The following TXLNB variants were observed in gnomAD, a reference collection of about 807,000 sequenced individuals.
TXLNB encodes the protein taxilin beta.
A neutral mutation model predicts 57.4 loss-of-function variants in TXLNB; 37 were observed. The ratio of observed to expected loss-of-function variants is 0.64; its 90% confidence interval spans 0.50 to 0.85. TXLNB has a LOEUF of 0.85. Among genes scored for constraint, TXLNB ranks in the 40% least tolerant of loss-of-function variants. The pLI, the probability that TXLNB is intolerant of heterozygous loss-of-function variation, is 0.00. For missense variants in TXLNB, 848 were observed against 825.6 expected, an observed-to-expected ratio of 1.03 and a Z score of -0.33; for synonymous variants, 302 against 309.6, an observed-to-expected ratio of 0.98 and a Z score of 0.26.
Position 139,260,943 on chromosome 6 carries a change from C to G in TXLNB, c.883-506G>C, listed in dbSNP as rs546106847. 2.6e-5 allele frequency among the ~76,000 whole-genome samples: 4 copies of G among 152,238 alleles called. No individual in the cohort carries two copies. The South Asian group carries it at 8.3e-4, about 32-fold the overall frequency. The stretch of plus-strand genomic sequence containing the variant: ...AGCCTTGGGGTGCCAGCATGTGGTC[C>G]GAGGTCTGGGAGTGAGGCCTGAGCC... On this transcript the variant is annotated intron_variant, in intron 5 of 9. Transcript: ENST00000358430.
At chr6:139,195,740 G>A in the TXLNB span, among the ~76,000 whole-genome samples, 2 of 152,166 alleles carry the variant, frequency 1.3e-5, no homozygotes, top group African/African-American at 4.8e-5. Flanking sequence ...TAGTTGCATG[G>A]TTAAGTTGAG....
rs746586873 is a variant in TXLNB at position 139,255,431 on chromosome 6, GTTCTTCAT to G, written c.1077+125_1077+132del. The G allele has an allele frequency of 1.5e-5, 11 of 724,748 alleles. No individual in the cohort carries two copies. In the South Asian group the frequency reaches 1.6e-4, roughly 11 times the overall value. The allele number at this position is 724,748 out of a possible 1,614,324, so 44.9% of individuals were successfully genotyped here. A position where few individuals can be genotyped will look rare whatever the true frequency, so the allele number is the denominator to read the frequency against. ...TGAAAATATGAATAAATGTGAAGTT[GTTCTTCAT>G]TTCCAATTCCCATCCCCCCATCCCC... On this transcript the variant is annotated intron_variant, in intron 7 of 9. Coordinates refer to ENST00000358430, the MANE Select transcript of TXLNB (RefSeq NM_153235.4).
intron 6 of TXLNB, among the ~76,000 whole-genome samples, chr6:139,258,761 C>A (rs1776407601): frequency 1.3e-5 from 2 of 152,164 alleles, no homozygotes; most frequent in South Asian, 4.1e-4. Context: ...TCAACTCATA[C>A]CTCTGAAACA....
the TXLNB span, among the ~76,000 whole-genome samples, chr6:139,315,101 C>G: frequency 1.3e-5 from 2 of 152,148 alleles, no homozygotes; most frequent in African/African-American, 4.8e-5. Flanking sequence ...GATCAGCCGG[C>G]ACCACCTGGA....
At chr6:139,297,198 G>C in the TXLNB span, among the ~76,000 whole-genome samples, 2 of 152,104 alleles carry the variant, frequency 1.3e-5, no homozygotes, top group South Asian at 2.1e-4. Context: ...CCTAACATTA[G>C]AGCTTCCCTT....
At chr6:139,323,325 T>C in the TXLNB span, among the ~76,000 whole-genome samples, 3 of 148,264 alleles carry the variant, frequency 2.0e-5, no homozygotes, top group African/African-American at 7.5e-5. Context: ...CTCTGTCGCC[T>C]AGGCTGGAGT....
At chr6:139,166,378 C>T in the TXLNB span, 1 of 1,614,234 alleles carries the variant, frequency 6.2e-7, no homozygotes, top group Non-Finnish European at 8.5e-7. Flanking sequence ...ACAACGAGCA[C>T]TGCCCCTGCA....
the TXLNB span, among the ~76,000 whole-genome samples, chr6:139,228,090 GA>G: frequency 6.6e-6 from 1 of 152,198 alleles, no homozygotes; most frequent in Non-Finnish European, 1.5e-5. Context: ...TTAATTATTA[GA>G]ATTTAGACCT....
At chr6:139,170,016 TC>T in the TXLNB span, 1 of 152,252 alleles carries the variant, frequency 6.6e-6, no homozygotes, top group Admixed American at 6.5e-5. Flanking sequence ...CAGTCTACTT[TC>T]TGACTTCATA....
At chr6:139,179,354 C>T in the TXLNB span, 1 of 152,148 alleles carries the variant, frequency 6.6e-6, no homozygotes, top group South Asian at 2.1e-4. Context: ...TTACAATTGA[C>T]CTATACATTG....
intron 2 of TXLNB, among the ~76,000 whole-genome samples, chr6:139,281,430 G>T (rs559735318): frequency 6.6e-6 from 1 of 151,136 alleles, no homozygotes; most frequent in East Asian, 2.0e-4. Context: ...TTTCTTGTCA[G>T]ATTTTGTTCC....
At chr6:139,160,810 T>TA in the TXLNB span, among the ~76,000 whole-genome samples, 1 of 152,214 alleles carries the variant, frequency 6.6e-6, no homozygotes, top group African/African-American at 2.4e-5. Context: ...GGGAGTGAAA[T>TA]ACAGCGGTAT....
At chr6:139,190,302 TTTCTTTC>T in the TXLNB span, among the ~76,000 whole-genome samples, 10 of 81,718 alleles carry the variant, frequency 1.2e-4, no homozygotes, top group African/African-American at 3.1e-4. Flanking sequence ...TGTTTCTTTC[TTTCTTTC>T]TTTTTTTTTT....
At chr6:139,321,843 AG>A in the TXLNB span, among the ~76,000 whole-genome samples, 71 of 152,148 alleles carry the variant, frequency 4.7e-4, no homozygotes, top group African/African-American at 1.6e-3. Flanking sequence ...TGTGTTAGCC[AG>A]GATGGTCTCG....
At chr6:139,226,635 A>G in the TXLNB span, among the ~76,000 whole-genome samples, 1 of 152,208 alleles carries the variant, frequency 6.6e-6, no homozygotes, top group Non-Finnish European at 1.5e-5. Flanking sequence ...GAGGGAAAAA[A>G]ACATCATGAA....
chr6:139,207,513 C>T, the TXLNB span, among the ~76,000 whole-genome samples: 1 of 152,118 alleles, frequency 6.6e-6, no homozygotes. Flanking sequence ...TAGCATTAAA[C>T]ATCTACATCA....
At chr6:139,267,000 C>CA (rs1419477041) in intron 4 of TXLNB, among the ~76,000 whole-genome samples, 1 of 144,872 alleles carries the variant, frequency 6.9e-6, no homozygotes, top group African/African-American at 2.6e-5. Context: ...TAGGTTCTCT[C>CA]AATGCAGAAT....
At chr6:139,176,646 G>A in the TXLNB span, among the ~76,000 whole-genome samples, 19 of 152,182 alleles carry the variant, frequency 1.2e-4, no homozygotes, top group African/African-American at 3.9e-4. The surrounding 1 kb of genome is among the most constrained non-coding windows in gnomAD (Gnocchi z 4.5). Context: ...AGCTTCAGCC[G>A]CTGTCTTAAA....
the TXLNB span, among the ~76,000 whole-genome samples, chr6:139,225,884 C>T: frequency 6.6e-6 from 1 of 151,936 alleles, no homozygotes; most frequent in Admixed American, 6.6e-5. Flanking sequence ...TTGAAGAACA[C>T]CAAAGCAGGA....
Sources: gnomAD v4.1 joint callset for allele counts (sites outside exome capture counted in the v4.1 genomes callset) on GRCh38, gnomAD v4.1.1 for gene constraint, Gnocchi (gnomAD v3.1) non-coding constraint, MANE v1.5 for transcripts, NCBI Gene and HGNC (gene_info 2026-07-23, HGNC 2026-07-21) for gene names.